The following PBX3 variants were observed in gnomAD, a reference collection of about 807,000 sequenced individuals.
PBX3 encodes the protein PBX homeobox 3, also known as pre-B-cell leukemia transcription factor 3.
In PBX3, 14 loss-of-function variants were observed where a neutral mutation model predicts 48.5. The observed-to-expected ratio is 0.29, with a 90% CI of 0.19 to 0.45. The LOEUF (loss-of-function observed/expected upper bound fraction) is 0.45. Ranked by LOEUF, PBX3 falls within the 20% of genes least tolerant of loss-of-function variation. The pLI is 1.00. For missense variants in PBX3, 386 were observed against 546.7 expected, an observed-to-expected ratio of 0.71 and a Z score of 2.93; for synonymous variants, 210 against 200.3, an observed-to-expected ratio of 1.05 and a Z score of -0.41.
intron 3 of PBX3, among the ~76,000 whole-genome samples, chr9:125,923,904 G>A (rs987349780): frequency 1.9e-4 from 29 of 151,746 alleles, no homozygotes; most frequent in African/African-American, 4.8e-4. Context: ...TCACTCTGTC[G>A]CTCAGGCTAG....
intron 2 of PBX3, among the ~76,000 whole-genome samples, chr9:125,865,478 A>G (rs1839956469): frequency 6.6e-6 from 1 of 152,216 alleles, no homozygotes; most frequent in Non-Finnish European, 1.5e-5. Flanking sequence ...GATAGATGAA[A>G]ATATAAGTTT....
intron 2 of PBX3, among the ~76,000 whole-genome samples, chr9:125,769,866 A>C (rs1836897196): frequency 6.6e-6 from 1 of 152,156 alleles, no homozygotes; most frequent in African/African-American, 2.4e-5. Flanking sequence ...TAATATTCTG[A>C]TTCTTTGACT....
At chr9:125,844,441 A>G (rs796880430) in intron 2 of PBX3, 11 of 152,250 alleles carry the variant, frequency 7.2e-5, no homozygotes, top group African/African-American at 1.7e-4. Context: ...AAATATTACC[A>G]TAATGTAAGC....
chr9:125,766,805 A>G (rs1370172240), intron 2 of PBX3, among the ~76,000 whole-genome samples: 1 of 152,226 alleles, frequency 6.6e-6, no homozygotes, highest in African/African-American at 2.4e-5. Flanking sequence ...TTAAATAATT[A>G]TCTTTAAAGG....
chr9:125,770,645 T>A (rs1836917448), intron 2 of PBX3, among the ~76,000 whole-genome samples: 1 of 152,132 alleles, frequency 6.6e-6, no homozygotes. Flanking sequence ...CTATTTAGAT[T>A]CTTAAAAAGG....
intron 2 of PBX3, among the ~76,000 whole-genome samples, chr9:125,809,232 G>A (rs766503537): frequency 9.2e-5 from 14 of 152,220 alleles, no homozygotes; most frequent in Non-Finnish European, 1.6e-4. Context: ...TTGCATATGC[G>A]TGACTGCAGA....
chr9:125,811,438 C>T (rs1838287233), intron 2 of PBX3, among the ~76,000 whole-genome samples: 1 of 152,124 alleles, frequency 6.6e-6, no homozygotes, highest in Admixed American at 6.5e-5. Flanking sequence ...GTGGTTCCCC[C>T]ATCCTGTTCT....
chr9:125,774,926 T>C (rs558160861), intron 2 of PBX3, among the ~76,000 whole-genome samples: 16 of 151,980 alleles, frequency 1.1e-4, no homozygotes, highest in African/African-American at 3.9e-4. Context: ...GACTGGAGTA[T>C]AGTGGCGCAA....
intron 2 of PBX3, among the ~76,000 whole-genome samples, chr9:125,753,340 G>T (rs1836426451): frequency 6.6e-6 from 1 of 150,412 alleles, no homozygotes; most frequent in East Asian, 1.9e-4. Flanking sequence ...TTTGTAGGAG[G>T]TTTTCAGAGA....
intron 5 of PBX3, among the ~76,000 whole-genome samples, chr9:125,940,980 A>G: frequency 6.6e-6 from 1 of 152,174 alleles, no homozygotes. Context: ...TAAAAAGTTT[A>G]CTTTCATAAC....
chr9:125,832,357 G>A (rs542071171), intron 2 of PBX3, among the ~76,000 whole-genome samples: 60 of 152,040 alleles, frequency 3.9e-4, no homozygotes, highest in South Asian at 3.1e-3. Context: ...CACCACGCCT[G>A]TCTAATTTTT....
Position 125,915,662 on chromosome 9 carries a change from G to GTC in PBX3, c.275-12_275-11dup, listed in dbSNP as rs753352857. On this transcript the variant is annotated intron_variant, in intron 2 of 8. Transcript: ENST00000373489. ...TCTGTTTCTCGCTTCTTCTCTCTCT[G>GTC]TCTCTCTCTCTCTTTCCTTGAAGGT... is the stretch of plus-strand genomic sequence containing the variant. 1.9e-4 allele frequency: 298 copies of GTC among 1,553,378 alleles called. No homozygotes were observed. In the South Asian group the frequency reaches 2.9e-3, roughly 15 times the overall value.
chr9:125,910,600 A>G (rs552736054), intron 2 of PBX3, among the ~76,000 whole-genome samples: 1 of 151,704 alleles, frequency 6.6e-6, no homozygotes, highest in African/African-American at 2.4e-5. Context: ...GACATGAAAA[A>G]CGTGCACACA....
intron 2 of PBX3, among the ~76,000 whole-genome samples, chr9:125,869,903 T>C (rs994661197): frequency 1.3e-5 from 2 of 152,112 alleles, no homozygotes; most frequent in African/African-American, 4.8e-5. Flanking sequence ...TGTGTATTAG[T>C]CCCTTTTCAC....
intron 5 of PBX3, among the ~76,000 whole-genome samples, chr9:125,955,025 G>A (rs975860114): frequency 1.3e-5 from 2 of 152,146 alleles, no homozygotes; most frequent in Non-Finnish European, 2.9e-5. Flanking sequence ...AATGTACAAG[G>A]AAGGAAAAAT....
At chr9:125,893,644 G>T (rs764056045) in intron 2 of PBX3, among the ~76,000 whole-genome samples, 1 of 152,174 alleles carries the variant, frequency 6.6e-6, no homozygotes, top group Non-Finnish European at 1.5e-5. Context: ...ATGTGCATTG[G>T]TGGCTTATAT....
chr9:125,891,739 A>G (rs1840649307), intron 2 of PBX3, among the ~76,000 whole-genome samples: 1 of 152,208 alleles, frequency 6.6e-6, no homozygotes, highest in South Asian at 2.1e-4. Flanking sequence ...AACCATGTGT[A>G]TCTATGTATC....
At chr9:125,753,477 A>G (rs747449310) in intron 2 of PBX3, among the ~76,000 whole-genome samples, 1 of 152,082 alleles carries the variant, frequency 6.6e-6, no homozygotes, top group Admixed American at 6.5e-5. Context: ...TTAGAACCTC[A>G]TGATCTAAAG....
chr9:125,943,510 T>C (rs1842006688), intron 5 of PBX3, among the ~76,000 whole-genome samples: 1 of 152,098 alleles, frequency 6.6e-6, no homozygotes, highest in African/African-American at 2.4e-5. Context: ...TTTGCCTTCT[T>C]TTACCTATTC....
Sources: allele counts gnomAD v4.1 joint callset (sites outside exome capture counted in the v4.1 genomes callset), GRCh38; gene constraint gnomAD v4.1.1; transcripts MANE v1.5; gene names NCBI Gene and HGNC (gene_info 2026-07-23, HGNC 2026-07-21).